UGT1A10: variants seen among roughly 807,000 people sequenced by gnomAD.
The protein encoded by UGT1A10 is UDP glucuronosyltransferase family 1 member A10, also known as UDP-glucuronosyltransferase 1A10.
In UGT1A10, 49 loss-of-function variants were observed where a neutral mutation model predicts 45.8. That is an observed-to-expected ratio of 1.07 (90% CI 0.85 to 1.36). UGT1A10 has a LOEUF of 1.36. UGT1A10 is among the 40% of genes most tolerant of loss of function. UGT1A10 has a pLI of 0.00. For synonymous variants in UGT1A10, 284 were observed against 249.7 expected (o/e 1.14, Z -1.29); for missense variants, 745 against 668.6 (o/e 1.11, Z -1.26).
rs766578846 is a variant in UGT1A10 at position 233,743,643 on chromosome 2, T to C, written c.856-23391T>C. On this transcript the variant is annotated intron_variant, in intron 1 of 4. Transcript: ENST00000344644. ...AAGACGTCGGCTGGGTCGCGGAAGC[T>C]GAAGACGTACTCGAAGGGGTCCTCG... 2.2e-6 allele frequency: 3 copies of C among 1,367,168 alleles called. No homozygotes were observed. In the African/African-American group the frequency reaches 4.5e-5, roughly 20 times the overall value. The allele number at this position is 1,367,168 out of a possible 1,614,324, so 84.7% of individuals were successfully genotyped here.
At chr2:233,673,466 A>G (rs551660253) in intron 1 of UGT1A10, among the ~76,000 whole-genome samples, 29 of 152,262 alleles carry the variant, frequency 1.9e-4, no homozygotes, top group Non-Finnish European at 3.1e-4. Context: ...TTACATGAAT[A>G]TATTTCCATA....
At chr2:233,638,644 G>A (rs1235883119) in intron 1 of UGT1A10, among the ~76,000 whole-genome samples, 1 of 151,878 alleles carries the variant, frequency 6.6e-6, no homozygotes, top group African/African-American at 2.4e-5. Flanking sequence ...TGAAACACCT[G>A]GTGTCTCATC....
chr2:233,637,511 G>A (rs1901814), intron 1 of UGT1A10, 134 bp downstream of exon 1: 2 of 1,477,854 alleles, frequency 1.4e-6, no homozygotes, highest in Non-Finnish European at 1.8e-6. Context: ...AAATTATTTT[G>A]TGCGAATTCA....
chr2:233,724,950 A>C (rs2077335462), intron 1 of UGT1A10, among the ~76,000 whole-genome samples: 2 of 143,906 alleles, frequency 1.4e-5, no homozygotes, highest in Non-Finnish European at 1.5e-5. Flanking sequence ...CAATCCCGGC[A>C]CCTCGGGAGG....
intron 1 of UGT1A10, among the ~76,000 whole-genome samples, chr2:233,695,452 C>T (rs114490104): frequency 7.8e-4 from 118 of 151,598 alleles, no homozygotes; most frequent in African/African-American, 2.4e-3. Flanking sequence ...TTTTGATCAA[C>T]GTGCTTTATT....
rs753289474 is a variant in UGT1A10 at position 233,769,632 on chromosome 2, G to C, written c.1295+1193G>C. ...CACCAGCTTGAGCAAGGGACAACAG[G>C]GGAGGACTGATGACTGACTTCCCAC... On this transcript the variant is annotated intron_variant, in intron 4 of 4. Transcript: ENST00000344644. This position sits in a 1 kb window ranked among gnomAD's most constrained non-coding sequence, Gnocchi z 4.4. The C allele has an allele frequency of 1.7e-5, 27 of 1,611,424 alleles. No individual in the cohort carries two copies. Among genetic ancestry groups the C allele is most frequent in the Non-Finnish European group, 1.8e-5 (21 of 1,179,338 alleles).
At position 233,768,369 on chromosome 2, in the gene UGT1A10, A is replaced by T. The variant is rs1156645272; in HGVS notation, c.1225A>T (p.Thr409Ser). 8.1e-6 allele frequency: 13 copies of T among 1,614,034 alleles called. No homozygotes were observed. The South Asian group carries it at 1.1e-4, about 14-fold the overall frequency. Residue 409 changes from threonine to serine, a missense_variant, in exon 4 of 5, where the codon ACC (threonine) becomes TCC (serine). Thr to Ser is a moderately conservative substitution (Grantham distance 58). Coordinates refer to ENST00000344644, the MANE Select transcript of UGT1A10 (RefSeq NM_019075.4). ...CATGGAGACTAAGGGAGCTGGAGTG[A>T]CCCTGAATGTTCTGGAAATGACTTC... Reference protein sequence around the residue: ...KRMETKGAGVTLNVLEMTSED... With the variant: ...KRMETKGAGVSLNVLEMTSED...
At chr2:233,760,776 C>T in intron 1 of UGT1A10, 1 of 1,613,940 alleles carries the variant, frequency 6.2e-7, no homozygotes, top group Non-Finnish European at 8.5e-7. Flanking sequence ...TGGCCCAGTA[C>T]CTGTCTCTGC....
At chr2:233,763,131 T>C (rs1039292285) in intron 1 of UGT1A10, among the ~76,000 whole-genome samples, 1 of 152,268 alleles carries the variant, frequency 6.6e-6, no homozygotes, top group African/African-American at 2.4e-5. Flanking sequence ...CTGGCATTTA[T>C]TGATATAACC....
intron 1 of UGT1A10, among the ~76,000 whole-genome samples, chr2:233,671,124 G>T (rs2074179275): frequency 1.3e-5 from 2 of 152,212 alleles, no homozygotes; most frequent in Non-Finnish European, 2.9e-5. Flanking sequence ...AGCAGACTGA[G>T]AGAGACAAGT....
intron 1 of UGT1A10, among the ~76,000 whole-genome samples, chr2:233,651,301 A>C (rs548415384): frequency 6.6e-6 from 1 of 152,336 alleles, no homozygotes; most frequent in African/African-American, 2.4e-5. Flanking sequence ...AGGGTCACCC[A>C]GAGGGCTTCC....
At chr2:233,685,678 A>G (rs2074749514) in intron 1 of UGT1A10, among the ~76,000 whole-genome samples, 1 of 152,234 alleles carries the variant, frequency 6.6e-6, no homozygotes, top group Non-Finnish European at 1.5e-5. Context: ...GTGTACCCAT[A>G]TAGCCATTCT....
rs1201481571 is a variant in UGT1A10 at position 233,636,737 on chromosome 2, G to A, written c.215G>A (p.Cys72Tyr). ...VSWQLERSLN[C>Y]TVKTYSTSYT... The stretch of plus-strand genomic sequence containing the variant: ...TGGCAACTGGAAAGATCACTGAATT[G>A]CACAGTGAAGACTTACTCAACCTCG... Residue 72 changes from cysteine (C) to tyrosine (Y), a missense_variant, in exon 1 of 5, where the codon TGC becomes TAC. By Grantham distance (194) the Cys-to-Tyr change is radical. Transcript: ENST00000344644. 2 of 1,614,158 alleles carry A rather than the reference G, an allele frequency of 1.2e-6. No homozygotes were observed. The highest frequency in any genetic ancestry group is 1.7e-5 in the Admixed American group (1 of 60,022).
chr2:233,702,927 G>A (rs1248659699), intron 1 of UGT1A10, among the ~76,000 whole-genome samples: 1 of 152,130 alleles, frequency 6.6e-6, no homozygotes, highest in African/African-American at 2.4e-5. Flanking sequence ...TTCTTGCGGA[G>A]CCTTGGTCTG....
chr2:233,754,988 A>G (rs756949361), intron 1 of UGT1A10: 25 of 1,295,926 alleles, frequency 1.9e-5, no homozygotes, highest in African/African-American at 1.2e-4. Flanking sequence ...CGGCGGGGTC[A>G]CGGAAGCTGA....
chr2:233,753,155 C>T (rs1695142736), intron 1 of UGT1A10: 2 of 152,204 alleles, frequency 1.3e-5, no homozygotes, highest in Admixed American at 6.5e-5. Flanking sequence ...TGTAAGTTCC[C>T]TTATCCGGAT....
At chr2:233,747,122 G>A in intron 1 of UGT1A10, 1 of 1,481,738 alleles carries the variant, frequency 6.7e-7, no homozygotes, top group Non-Finnish European at 9.1e-7. Flanking sequence ...GATTTGCTAA[G>A]TGGCTCAGTG....
chr2:233,699,567 C>G (rs946765606), intron 1 of UGT1A10, among the ~76,000 whole-genome samples: 1 of 152,218 alleles, frequency 6.6e-6, no homozygotes, highest in African/African-American at 2.4e-5. Context: ...GGCCAGAGCT[C>G]TGGCTCTAGG....
At chr2:233,721,840 G>A in intron 1 of UGT1A10, 1 of 515,588 alleles carries the variant, frequency 1.9e-6, no homozygotes, top group Non-Finnish European at 3.9e-6. Flanking sequence ...CCGACCTTGT[G>A]TCCAGCCCCA....
Sources: gnomAD v4.1 joint callset for allele counts (sites outside exome capture counted in the v4.1 genomes callset) on GRCh38, gnomAD v4.1.1 for gene constraint, Gnocchi (gnomAD v3.1) non-coding constraint, MANE v1.5 for transcripts, NCBI Gene and HGNC (gene_info 2026-07-23, HGNC 2026-07-21) for gene names.